The following UBQLN4 variants were observed in gnomAD, a reference collection of about 807,000 sequenced individuals.
UBQLN4 encodes ubiquilin-4.
A neutral mutation model predicts 60.4 loss-of-function variants in UBQLN4; 11 were observed. The observed-to-expected ratio is 0.18, with a 90% CI of 0.11 to 0.30. The LOEUF is 0.30. Among genes scored for constraint, UBQLN4 ranks in the 10% least tolerant of loss-of-function variants. The pLI is 1.00. For missense variants in UBQLN4, 417 were observed against 795.5 expected (o/e 0.52, Z 5.72); for synonymous variants, 258 against 313.1 (o/e 0.82, Z 1.86).
intron 10 of UBQLN4, among the ~76,000 whole-genome samples, chr1:156,039,245 CTTTTTTTTTTT>C (rs34866268): frequency 1.2e-5 from 1 of 82,510 alleles, no homozygotes; most frequent in African/African-American, 4.4e-5. Context: ...CCTGGCCTGG[CTTTTTTTTTTT>C]TTTTTTTTTT....
intron 10 of UBQLN4, among the ~76,000 whole-genome samples, chr1:156,039,709 A>G (rs1456005342): frequency 6.6e-6 from 1 of 151,764 alleles, no homozygotes; most frequent in Non-Finnish European, 1.5e-5. Context: ...AGACCGAGGC[A>G]GGTGGATCAC....
chr1:156,051,247 G>A lies in UBQLN4; in HGVS notation c.341C>T (p.Ser114Leu). 2 of 1,593,106 alleles carry A rather than the reference G, an allele frequency of 1.3e-6. No individual in the cohort carries two copies. The highest frequency in any genetic ancestry group is 1.7e-6 in the Non-Finnish European group (2 of 1,169,028). ...GGAGGGCTGGGCAGGGGTGGCGGGT[G>A]AAGCAGGCGTGGTGGAGGGTGCTGA... ...PASAPSTTPA[S>L]PATPAQPSTS... Residue 114 changes from serine (S) to leucine (L), a missense_variant, in exon 3 of 11, where the codon TCA becomes TTA. Transcript: ENST00000368309.
chr1:156,047,226 T>C (rs2102750795), intron 5 of UBQLN4, among the ~76,000 whole-genome samples: 1 of 151,988 alleles, frequency 6.6e-6, no homozygotes, highest in South Asian at 2.1e-4. Context: ...TTTTGTTTAC[T>C]TTGTGTAACT....
At chr1:156,042,943 G>T (rs1683607065) in intron 6 of UBQLN4, 30 bp from the exon 7 acceptor site, 5 of 1,609,366 alleles carry the variant, frequency 3.1e-6, no homozygotes, top group Non-Finnish European at 4.2e-6. Context: ...AAGAAAACAG[G>T]AGAGAAAGGG....
intron 5 of UBQLN4, among the ~76,000 whole-genome samples, chr1:156,045,673 A>G (rs1227296727): frequency 6.6e-6 from 1 of 152,206 alleles, no homozygotes; most frequent in East Asian, 1.9e-4. Context: ...CAAAGTCTAC[A>G]TGACATGTGA....
chr1:156,047,771 T>C (rs138258307), intron 5 of UBQLN4, among the ~76,000 whole-genome samples: 1 of 150,464 alleles, frequency 6.6e-6, no homozygotes, highest in African/African-American at 2.4e-5. Flanking sequence ...GGCATGTACC[T>C]GTAGTCTTAG....
Position 156,041,958 on chromosome 1 carries a change from A to G in UBQLN4, c.1380T>C (p.Leu460=), listed in dbSNP as rs997813732. 4 of 1,613,914 alleles carry G rather than the reference A, an allele frequency of 2.5e-6. No homozygotes were observed. The African/African-American group carries it at 5.3e-5, about 22-fold the overall frequency. ...ATGCCTGCATGGCTCGGGGATTGGT[A>G]AGGATGGAGAGTGACTCTGGGTTCT... ...QMQNPESLSI[L]TNPRAMQALL... is the part of the protein sequence containing the mutation. Residue 460 remains leucine (L), a synonymous_variant, in exon 9 of 11, where the codon CTT becomes CTC. Transcript: ENST00000368309.
At position 156,035,882 on chromosome 1, in the gene UBQLN4, C is replaced by T; in HGVS notation, c.*1096G>A. ...CAGAAACCAACAAGGAATCCACTTC[C>T]CACCCAACTTAAGAGTGTATGCACA... On this transcript the variant is annotated 3_prime_UTR_variant, in exon 11 of 11. Transcript: ENST00000368309. 2.0e-6 allele frequency: 2 copies of T among 985,386 alleles called. No homozygotes were observed. The highest frequency in any genetic ancestry group is 4.7e-5 in the South Asian group (1 of 21,266). The allele number at this position is 985,386 out of a possible 1,614,324, so 61.0% of individuals were successfully genotyped here. A position where few individuals can be genotyped will look rare whatever the true frequency, so the allele number is the denominator to read the frequency against.
Position 156,036,283 on chromosome 1 carries a change from T to C in UBQLN4, c.*695A>G. 1 of 985,642 alleles carries C rather than the reference T, an allele frequency of 1.0e-6. No individual in the cohort carries two copies. The allele number at this position is 985,642 out of a possible 1,614,324, so 61.1% of individuals were successfully genotyped here. A position where few individuals can be genotyped will look rare whatever the true frequency, so the allele number is the denominator to read the frequency against. On this transcript the variant is annotated 3_prime_UTR_variant, in exon 11 of 11. Coordinates refer to ENST00000368309, the MANE Select transcript of UBQLN4 (RefSeq NM_020131.5). Reference sequence around the variant, plus strand: ...TCCCCCATTCCCTTCCTCCGAATAATCTCATTCCCTCCTCTTTCACACGAA... The same window carrying C: ...TCCCCCATTCCCTTCCTCCGAATAACCTCATTCCCTCCTCTTTCACACGAA...
chr1:156,053,574 C>A lies in UBQLN4; in HGVS notation c.108+20G>T. On this transcript the variant is annotated intron_variant, in intron 1 of 10. Transcript: ENST00000368309. ...AGACCCCTCCTCCGCGCTCCCCCCG[C>A]CCCCCGCCTGCTGTACTACCTCCTT... 1 of 1,160,132 alleles carries A rather than the reference C, an allele frequency of 8.6e-7. No homozygotes were observed. The highest frequency in any genetic ancestry group is 3.0e-5 in the South Asian group (1 of 33,174). 71.9% of individuals were successfully genotyped at this position (1,160,132 alleles called of 1,614,324 possible).
At chr1:156,033,296 G>T, downstream of UBQLN4, 1 of 985,440 alleles carries the variant, frequency 1.0e-6, no homozygotes, top group Non-Finnish European at 1.2e-6. Context: ...AGCCAGAAGA[G>T]CAGAGTGTAA....
In UBQLN4 at chr1:156,053,758, C is replaced by A. The variant is rs914083998; in HGVS notation, c.-57G>T. On this transcript the variant is annotated 5_prime_UTR_variant, in exon 1 of 11. Coordinates refer to ENST00000368309, the MANE Select transcript of UBQLN4 (RefSeq NM_020131.5). ...CGCCCGGCTCCTCCTCCTCCCCGCC[C>A]GCCCGGCCGGCCCGGCTCGGCTTCT... The A allele has an allele frequency of 5.1e-5, 59 of 1,149,272 alleles. No homozygotes were observed. In the South Asian group the frequency reaches 2.0e-3, roughly 40 times the overall value. 71.2% of individuals were successfully genotyped at this position (1,149,272 alleles called of 1,614,324 possible).
At chr1:156,044,308 C>T (rs759676099) in intron 5 of UBQLN4, 85 bp from the exon 6 acceptor site, 70 of 1,207,158 alleles carry the variant, frequency 5.8e-5, no homozygotes, top group Non-Finnish European at 7.5e-5. Flanking sequence ...CACTTAATAG[C>T]CTCCCCTTCC....
chr1:156,035,337 AG>A lies in UBQLN4; in HGVS notation c.*1640del, dbSNP rs1683373796. ...ACCACGCCATTTATTTACAAAGGCC[AG>A]TGTGGGAGCTGGGGGAGGCAGGGAG... On this transcript the variant is annotated 3_prime_UTR_variant, in exon 11 of 11. Coordinates refer to ENST00000368309, the MANE Select transcript of UBQLN4 (RefSeq NM_020131.5). The A allele has an allele frequency of 1.0e-6, 1 of 985,346 alleles. No homozygotes were observed. Among genetic ancestry groups the A allele is most frequent in the African/African-American group, 1.7e-5 (1 of 57,218 alleles). The allele number at this position is 985,346 out of a possible 1,614,324, so 61.0% of individuals were successfully genotyped here. A position where few individuals can be genotyped will look rare whatever the true frequency, so the allele number is the denominator to read the frequency against.
chr1:156,044,355 C>T lies in UBQLN4; in HGVS notation c.901-132G>A. 5 of 804,504 alleles carry T rather than the reference C, an allele frequency of 6.2e-6. No individual in the cohort carries two copies. The South Asian group carries it at 6.9e-5, about 11-fold the overall frequency. 49.8% of individuals were successfully genotyped at this position (804,504 alleles called of 1,614,324 possible). ...AGAGAGATCTAAGACCTTAGAGGTCCTCAGTTCAGTTCTTTGCCCCACAAT... is the reference window on the plus strand; with the variant it reads ...AGAGAGATCTAAGACCTTAGAGGTCTTCAGTTCAGTTCTTTGCCCCACAAT... On this transcript the variant is annotated intron_variant, in intron 5 of 10. Transcript: ENST00000368309.
At chr1:156,037,187 GA>G in intron 10 of UBQLN4, 57 bp from the exon 11 acceptor site, 1 of 1,579,550 alleles carries the variant, frequency 6.3e-7, no homozygotes, top group African/African-American at 1.4e-5. Context: ...GGCCCTATTT[GA>G]ATTAAGGGTT....
downstream of UBQLN4, among the ~76,000 whole-genome samples, chr1:156,032,415 G>T (rs567917919): frequency 6.6e-6 from 1 of 151,626 alleles, no homozygotes; most frequent in African/African-American, 2.4e-5. Context: ...GGAGGGCGAG[G>T]CAGGAGAATC....
intron 5 of UBQLN4, among the ~76,000 whole-genome samples, chr1:156,047,170 A>G (rs1683723642): frequency 6.6e-6 from 1 of 152,094 alleles, no homozygotes; most frequent in South Asian, 2.1e-4. Context: ...CCTTCTGTAA[A>G]CCTTTTTTTA....
In UBQLN4 at chr1:156,050,337, T is replaced by C. The variant is rs1194418768; in HGVS notation, c.695A>G (p.Asn232Ser). 3.9e-5 allele frequency: 62 copies of C among 1,608,090 alleles called. No homozygotes were observed. The highest frequency in any genetic ancestry group is 5.3e-5 in the Non-Finnish European group (62 of 1,175,904). The change falls in exon 4 of 11, where the codon AAC becomes AGC. Residue 232 changes from asparagine to serine, a missense_variant. Asn to Ser is a conservative substitution (Grantham distance 46). Transcript: ENST00000368309. This position sits in a 1 kb window ranked among gnomAD's most constrained non-coding sequence, Gnocchi z 4.6. ...NPQMQQLMER[N>S]PEISHMLNNP... is the part of the protein sequence containing the mutation. ...ATTGAGCATGTGGCTGATCTCAGGG[T>C]TCCGCTCCATCAACTGCTGCATCTG... is the stretch of plus-strand genomic sequence containing the variant.
Sources: gnomAD v4.1 joint callset for allele counts (sites outside exome capture counted in the v4.1 genomes callset) on GRCh38, gnomAD v4.1.1 for gene constraint, Gnocchi (gnomAD v3.1) non-coding constraint, MANE v1.5 for transcripts, NCBI Gene and HGNC (gene_info 2026-07-23, HGNC 2026-07-21) for gene names.